Variants in MTBP observed in about 807,000 individuals in gnomAD.
MTBP encodes the protein MDM2 binding protein.
A neutral mutation model predicts 117.0 loss-of-function variants in MTBP; 101 were observed. That is an observed-to-expected ratio of 0.86 (90% confidence interval 0.73 to 1.02). The LOEUF (loss-of-function observed/expected upper bound fraction) is 1.02. MTBP is among the 50% of genes least tolerant of loss of function. MTBP has a pLI of 0.00. For missense variants in MTBP, 970 were observed against 1,030.9 expected, an observed-to-expected ratio of 0.94 and a Z score of 0.81; for synonymous variants, 350 against 351.5, an observed-to-expected ratio of 1.00 and a Z score of 0.05.
intron 13 of MTBP, among the ~76,000 whole-genome samples, chr8:120,494,356 T>C (rs1814409718): frequency 6.6e-6 from 1 of 152,206 alleles, no homozygotes; most frequent in Non-Finnish European, 1.5e-5. Flanking sequence ...ATGTTACTAG[T>C]CTAGAAGTGT....
At chr8:120,501,796 TATA>T (rs1255802176) in intron 14 of MTBP, among the ~76,000 whole-genome samples, 27 of 152,184 alleles carry the variant, frequency 1.8e-4, no homozygotes, top group African/African-American at 4.1e-4. Flanking sequence ...TAATACTATT[TATA>T]ATAATTTCTA....
chr8:120,507,639 GC>G, intron 16 of MTBP, among the ~76,000 whole-genome samples: 1 of 152,216 alleles, frequency 6.6e-6, no homozygotes, highest in South Asian at 2.1e-4. Flanking sequence ...GGTGAATTTT[GC>G]AAAGGAGTTA....
intron 15 of MTBP, 32 bp from the exon 16 acceptor site, chr8:120,506,674 T>C: frequency 1.3e-6 from 2 of 1,515,260 alleles, no homozygotes; most frequent in Non-Finnish European, 1.8e-6. Flanking sequence ...TGAATCCACT[T>C]TTAATAAATC....
rs115437869 is a variant in MTBP at position 120,464,181 on chromosome 8, T to C, written c.1047+420T>C. Among the ~76,000 whole-genome samples the C allele has an allele frequency of 5.1e-3, 780 of 152,112 alleles. 7 individuals are homozygous for C. Among genetic ancestry groups the C allele is most frequent in the African/African-American group, 0.017 (694 of 41,550 alleles). On this transcript the variant is annotated intron_variant, in intron 10 of 21. Transcript: ENST00000305949. Reference sequence around the variant, plus strand: ...AGCTAAAGTTCTACTAAATTGTCATTTGGGAGTTTTCAATTTTTCTTTCTA... The same window carrying C: ...AGCTAAAGTTCTACTAAATTGTCATCTGGGAGTTTTCAATTTTTCTTTCTA...
chr8:120,452,006 T>A (rs1222760779), intron 4 of MTBP: 2 of 152,260 alleles, frequency 1.3e-5, no homozygotes, highest in African/African-American at 4.8e-5. Flanking sequence ...AATTTATGTG[T>A]ATTTGCAGCA....
intron 16 of MTBP, among the ~76,000 whole-genome samples, chr8:120,509,550 T>A: frequency 6.6e-6 from 1 of 152,006 alleles, no homozygotes; most frequent in East Asian, 1.9e-4. Context: ...TGCAGTGAGC[T>A]GAGATTACAC....
In MTBP at chr8:120,463,802, T is replaced by A. The variant is rs765688065; in HGVS notation, c.1047+41T>A. The A allele has an allele frequency of 2.6e-6, 4 of 1,552,908 alleles. No individual in the cohort carries two copies. The Admixed American group carries it at 6.9e-5, about 27-fold the overall frequency. On this transcript the variant is annotated intron_variant, in intron 10 of 21. Coordinates refer to ENST00000305949, the MANE Select transcript of MTBP (RefSeq NM_022045.5). Reference sequence around the variant, plus strand: ...TGGGGGTTTTTTGTTTGTTTGTTTTTATACTTGCCATTTAAGGATGTGTAA... The same window carrying A: ...TGGGGGTTTTTTGTTTGTTTGTTTTAATACTTGCCATTTAAGGATGTGTAA...
At chr8:120,486,170 T>C (rs965623403) in intron 11 of MTBP, among the ~76,000 whole-genome samples, 1 of 152,166 alleles carries the variant, frequency 6.6e-6, no homozygotes. Context: ...GAACTAGATC[T>C]TTTGCTTGTT....
Position 120,455,466 on chromosome 8 carries a change from T to C in MTBP, c.516T>C (p.Leu172=). 1 of 1,609,550 alleles carries C rather than the reference T, an allele frequency of 6.2e-7. No homozygotes were observed. The highest frequency in any genetic ancestry group is 8.5e-7 in the Non-Finnish European group (1 of 1,177,226). The part of the protein sequence containing the change: ...GRAMVDIILL[L]SDKDPPKLKD... The stretch of plus-strand genomic sequence containing the variant: ...CAATGGTAGATATAATACTGTTGCT[T>C]TCTGACAAAGATCCTCCTAAATTGA... The change falls in exon 6 of 22, where the codon CTT becomes CTC. Residue 172 remains leucine (L), a synonymous_variant. Transcript: ENST00000305949.
At chr8:120,506,628 CTT>C (rs369783487) in intron 15 of MTBP, 76 bp from the exon 16 acceptor site, 40,413 of 945,428 alleles carry the variant, frequency 0.043, 45 homozygotes, top group South Asian at 0.054. Context: ...CCCGACTGTG[CTT>C]TTTTTTTTTT....
intron 1 of MTBP, 124 bp downstream of exon 1, chr8:120,445,712 C>G: frequency 6.7e-6 from 5 of 747,060 alleles, no homozygotes; most frequent in Non-Finnish European, 8.6e-6. Flanking sequence ...GGGACTCTAT[C>G]TGGGATAGAG....
intron 19 of MTBP, 36 bp downstream of exon 19, chr8:120,518,136 T>C: frequency 1.3e-6 from 2 of 1,530,812 alleles, no homozygotes; most frequent in South Asian, 1.2e-5. Context: ...TAGTTCTACA[T>C]AGGAAGACTT....
At chr8:120,492,676 C>G (rs1814371211) in intron 13 of MTBP, among the ~76,000 whole-genome samples, 1 of 152,070 alleles carries the variant, frequency 6.6e-6, no homozygotes, top group Non-Finnish European at 1.5e-5. Flanking sequence ...AAAATTTGCA[C>G]AAAAATTTAC....
chr8:120,503,236 A>G lies in MTBP; in HGVS notation c.1727+627A>G, dbSNP rs529431348. On this transcript the variant is annotated intron_variant, in intron 15 of 21. Transcript: ENST00000305949. ...CTTGCTATAGCTTTGTTTCATACAC[A>G]TGAAACAGGCATTTATTGAGTACCA... 2.6e-5 allele frequency among the ~76,000 whole-genome samples: 4 copies of G among 152,280 alleles called. No individual in the cohort carries two copies. In the South Asian group the frequency reaches 8.3e-4, roughly 32 times the overall value.
intron 16 of MTBP, among the ~76,000 whole-genome samples, chr8:120,507,721 G>C (rs1026360310): frequency 1.3e-5 from 2 of 152,078 alleles, no homozygotes; most frequent in African/African-American, 4.8e-5. Context: ...ACTAGAGAGA[G>C]ATAAAGAGCA....
At chr8:120,462,590 G>A (rs1178592833) in intron 9 of MTBP, among the ~76,000 whole-genome samples, 2 of 152,200 alleles carry the variant, frequency 1.3e-5, no homozygotes, top group East Asian at 1.9e-4. Context: ...CTACCTGGCA[G>A]TATAACTAGA....
intron 5 of MTBP, among the ~76,000 whole-genome samples, chr8:120,454,705 A>T (rs1253318674): frequency 6.6e-6 from 1 of 152,088 alleles, no homozygotes; most frequent in Non-Finnish European, 1.5e-5. Context: ...CACATAGAAA[A>T]ATAACTGAAT....
At position 120,459,201 on chromosome 8, in the gene MTBP, T is replaced by C; in HGVS notation, c.748-14T>C. On this transcript the variant is annotated splice_polypyrimidine_tract_variant and intron_variant, in intron 7 of 21. Transcript: ENST00000305949. ...CATGATACTTGTAACTGTGTTTTCT[T>C]GGTCTCTTTTCAGTTTGGATTTGAA... The C allele has an allele frequency of 6.2e-7, 1 of 1,600,874 alleles. No individual in the cohort carries two copies. Among genetic ancestry groups the C allele is most frequent in the Non-Finnish European group, 8.5e-7 (1 of 1,171,766 alleles).
At position 120,451,565 on chromosome 8, in the gene MTBP, G is replaced by C. The variant is rs556279733; in HGVS notation, c.425+243G>C. On this transcript the variant is annotated intron_variant, in intron 4 of 21. Coordinates refer to ENST00000305949, the MANE Select transcript of MTBP (RefSeq NM_022045.5). Reference sequence around the variant, plus strand: ...ATTTTAATAAACATGTTCCTTTCTTGAAGATAAATTCTGCCTAATATTTTA... The same window carrying C: ...ATTTTAATAAACATGTTCCTTTCTTCAAGATAAATTCTGCCTAATATTTTA... The C allele has an allele frequency of 7.8e-6, 3 of 383,378 alleles. No individual in the cohort carries two copies. The East Asian group carries it at 1.5e-4, about 19-fold the overall frequency. 23.7% of individuals were successfully genotyped at this position (383,378 alleles called of 1,614,324 possible). A position where few individuals can be genotyped will look rare whatever the true frequency, so the allele number is the denominator to read the frequency against.
Sources: gnomAD v4.1 joint callset for allele counts (sites outside exome capture counted in the v4.1 genomes callset) on GRCh38, gnomAD v4.1.1 for gene constraint, MANE v1.5 for transcripts, NCBI Gene and HGNC (gene_info 2026-07-23, HGNC 2026-07-21) for gene names.